Variants in SLC25A21 observed in about 807,000 individuals in gnomAD.
SLC25A21 encodes mitochondrial 2-oxodicarboxylate carrier.
Under a neutral mutation model 43.8 loss-of-function variants are expected in SLC25A21, and 47 were observed. That is an observed-to-expected ratio of 1.07 (90% confidence interval 0.85 to 1.37). The LOEUF is 1.37. SLC25A21 is among the 40% of genes most tolerant of loss of function. The pLI is 0.00. For synonymous variants in SLC25A21, 131 were observed against 121.3 expected (o/e 1.08, Z -0.52); for missense variants, 352 against 350.2 (o/e 1.00, Z -0.04).
At chr14:36,860,322 T>C (rs1250808750) in intron 2 of SLC25A21, among the ~76,000 whole-genome samples, 1 of 152,124 alleles carries the variant, frequency 6.6e-6, no homozygotes, top group East Asian at 1.9e-4. Flanking sequence ...CACTTTATTT[T>C]TAAACAATGA....
chr14:36,692,277 A>G (rs1358715040), intron 7 of SLC25A21, among the ~76,000 whole-genome samples: 1 of 152,244 alleles, frequency 6.6e-6, no homozygotes, highest in African/African-American at 2.4e-5. Context: ...GACATTAAGA[A>G]GTGATCCCAA....
rs1881987743 is a variant in SLC25A21, at chr14:36,678,072, A to G, written c.*2586T>C. The G allele has an allele frequency of 5.9e-6, 1 of 169,266 alleles. No individual in the cohort carries two copies. Among genetic ancestry groups the G allele is most frequent in the African/African-American group, 2.4e-5 (1 of 42,264 alleles). 10.5% of individuals were successfully genotyped at this position (169,266 alleles called of 1,614,324 possible). ...TTGGTACTAATTCTGTGCAATAACT[A>G]AAAGAGCACCTCACTGGATATGGAT... On this transcript the variant is annotated 3_prime_UTR_variant, in exon 10 of 10. Coordinates refer to ENST00000331299, the MANE Select transcript of SLC25A21 (RefSeq NM_030631.4).
chr14:36,808,334 T>A (rs1353321886), intron 3 of SLC25A21, among the ~76,000 whole-genome samples: 1 of 152,176 alleles, frequency 6.6e-6, no homozygotes. Flanking sequence ...TTATAAAGGA[T>A]GGGGCAATGA....
rs575721134 is a variant in SLC25A21 at position 36,849,590 on chromosome 14, T to C, written c.119+25366A>G. On this transcript the variant is annotated intron_variant, in intron 2 of 9. Transcript: ENST00000331299. The stretch of plus-strand genomic sequence containing the variant: ...AGTTCGATTCAATGAAATACAAATT[T>C]CTGAATTGTCTATCAGACACAAAAT... Among the ~76,000 whole-genome samples the C allele has an allele frequency of 1.1e-4, 16 of 152,316 alleles. No homozygotes were observed. The South Asian group carries it at 2.9e-3, about 28-fold the overall frequency.
chr14:36,697,267 C>A (rs1341630473), intron 7 of SLC25A21, among the ~76,000 whole-genome samples: 2 of 152,196 alleles, frequency 1.3e-5, no homozygotes, highest in Non-Finnish European at 2.9e-5. Flanking sequence ...GCACTGTGGT[C>A]TGAGAGACAG....
rs559223822 is a variant in SLC25A21, at chr14:37,126,199, C to T, written c.70+46082G>A. 3.3e-5 allele frequency among the ~76,000 whole-genome samples: 5 copies of T among 152,256 alleles called. No individual in the cohort carries two copies. In the East Asian group the frequency reaches 9.6e-4, roughly 29 times the overall value. ...TGAACAGCTTTGTCATAAACAAGGACTGATTTGAGCATTAGTTGTGCTGAC... is the reference window on the plus strand; with the variant it reads ...TGAACAGCTTTGTCATAAACAAGGATTGATTTGAGCATTAGTTGTGCTGAC... On this transcript the variant is annotated intron_variant, in intron 1 of 9. Transcript: ENST00000331299.
intron 7 of SLC25A21, among the ~76,000 whole-genome samples, chr14:36,688,859 C>A (rs1882666868): frequency 6.6e-6 from 1 of 152,180 alleles, no homozygotes; most frequent in African/African-American, 2.4e-5. Context: ...AATGAGTTAA[C>A]TGAAAGGTTA....
At chr14:36,987,176 G>T (rs1960164175) in intron 1 of SLC25A21, among the ~76,000 whole-genome samples, 1 of 152,046 alleles carries the variant, frequency 6.6e-6, no homozygotes, top group Non-Finnish European at 1.5e-5. Context: ...CTTTCATCCA[G>T]TTCCTTAATT....
At chr14:36,870,056 A>T (rs1890325182) in intron 2 of SLC25A21, among the ~76,000 whole-genome samples, 1 of 152,226 alleles carries the variant, frequency 6.6e-6, no homozygotes, top group African/African-American at 2.4e-5. Context: ...TAACTCCAGA[A>T]AAATAATCCT....
At chr14:37,120,457 G>T (rs75221461) in intron 1 of SLC25A21, among the ~76,000 whole-genome samples, 1 of 152,120 alleles carries the variant, frequency 6.6e-6, no homozygotes, top group Non-Finnish European at 1.5e-5. Flanking sequence ...ACTGCCTTCA[G>T]TCCTCCAATA....
At chr14:36,877,602 A>ATG (rs1890577025) in intron 1 of SLC25A21, among the ~76,000 whole-genome samples, 1 of 151,798 alleles carries the variant, frequency 6.6e-6, no homozygotes, top group Non-Finnish European at 1.5e-5. Context: ...GAGGAGGTGC[A>ATG]ATGCTCAGAG....
At chr14:36,902,142 T>A (rs959334266) in intron 1 of SLC25A21, among the ~76,000 whole-genome samples, 1 of 152,242 alleles carries the variant, frequency 6.6e-6, no homozygotes, top group African/African-American at 2.4e-5. Flanking sequence ...ACATGACACA[T>A]ATAACACTAT....
At chr14:37,160,966 G>C (rs1594825206) in intron 1 of SLC25A21, among the ~76,000 whole-genome samples, 1 of 106,744 alleles carries the variant, frequency 9.4e-6, no homozygotes, top group African/African-American at 3.4e-5. Flanking sequence ...GGAGGAGGAG[G>C]AGAAAGAGGA....
At chr14:37,128,204 C>T (rs1269330642) in intron 1 of SLC25A21, among the ~76,000 whole-genome samples, 1 of 152,094 alleles carries the variant, frequency 6.6e-6, no homozygotes, top group Non-Finnish European at 1.5e-5. Flanking sequence ...CGAGGGATGC[C>T]TAATATTTCT....
chr14:36,748,256 G>A (rs933678199), intron 3 of SLC25A21, among the ~76,000 whole-genome samples: 1 of 152,174 alleles, frequency 6.6e-6, no homozygotes, highest in Non-Finnish European at 1.5e-5. Flanking sequence ...TGCCTCTAAT[G>A]TTGGCTGAAG....
chr14:36,811,824 T>A (rs991604945), intron 3 of SLC25A21, among the ~76,000 whole-genome samples: 2 of 152,202 alleles, frequency 1.3e-5, no homozygotes, highest in Non-Finnish European at 2.9e-5. Flanking sequence ...GGATTAAAAA[T>A]TGTAATGTAA....
intron 1 of SLC25A21, among the ~76,000 whole-genome samples, chr14:37,170,856 G>A (rs1964112176): frequency 6.6e-6 from 1 of 151,610 alleles, no homozygotes; most frequent in Admixed American, 6.6e-5. Context: ...AAGCTGCAGT[G>A]AGAGGATCAC....
chr14:37,015,272 A>G (rs1960826579), intron 1 of SLC25A21, among the ~76,000 whole-genome samples: 1 of 135,874 alleles, frequency 7.4e-6, no homozygotes, highest in Admixed American at 8.3e-5. Context: ...ATTCCCACCT[A>G]TGAGTGAGAA....
At chr14:36,739,178 G>A (rs1885155178) in intron 3 of SLC25A21, among the ~76,000 whole-genome samples, 1 of 152,040 alleles carries the variant, frequency 6.6e-6, no homozygotes, top group African/African-American at 2.4e-5. Context: ...ACTGAAAACA[G>A]GTCTCTATTC....
Sources: allele counts gnomAD v4.1 joint callset (sites outside exome capture counted in the v4.1 genomes callset), GRCh38; gene constraint gnomAD v4.1.1; transcripts MANE v1.5; gene names NCBI Gene and HGNC (gene_info 2026-07-23, HGNC 2026-07-21).